The following SHOC2 variants were observed in gnomAD, a reference collection of about 807,000 sequenced individuals.
SHOC2 encodes the protein leucine-rich repeat protein SHOC-2.
Under a neutral mutation model 50.2 loss-of-function variants are expected in SHOC2, and 4 were observed. That is an observed-to-expected ratio of 0.08 (90% CI 0.04 to 0.18). The LOEUF (loss-of-function observed/expected upper bound fraction) is 0.18, where lower values mean the gene tolerates loss of function less well. SHOC2 is among the 10% of genes least tolerant of loss of function. The pLI is 1.00. For missense variants in SHOC2, 388 were observed against 669.6 expected, an observed-to-expected ratio of 0.58 and a Z score of 4.64; for synonymous variants, 218 against 244.5, an observed-to-expected ratio of 0.89 and a Z score of 1.01.
At chr10:110,925,841 G>A (rs1846760792) in intron 1 of SHOC2, among the ~76,000 whole-genome samples, 1 of 152,186 alleles carries the variant, frequency 6.6e-6, no homozygotes, top group African/African-American at 2.4e-5. Flanking sequence ...TCCCTGCAGA[G>A]TGCCATAGTT....
At chr10:110,928,208 T>C (rs946021842) in intron 1 of SHOC2, among the ~76,000 whole-genome samples, 4 of 152,010 alleles carry the variant, frequency 2.6e-5, no homozygotes, top group African/African-American at 9.7e-5. Flanking sequence ...TCCCAGCTAC[T>C]TGGGAGGCTG....
chr10:110,997,522 A>G (rs1377254031), intron 3 of SHOC2, among the ~76,000 whole-genome samples: 1 of 144,972 alleles, frequency 6.9e-6, no homozygotes, highest in African/African-American at 2.6e-5. Context: ...GCACAATTTT[A>G]TCATGCTTTT....
chr10:110,994,798 A>G (rs1287886275), intron 3 of SHOC2, among the ~76,000 whole-genome samples: 2 of 152,228 alleles, frequency 1.3e-5, no homozygotes, highest in African/African-American at 2.4e-5. Flanking sequence ...ATACATTTAT[A>G]TATTTTATAA....
At chr10:110,937,261 T>G (rs1366976566) in intron 1 of SHOC2, 5 of 571,912 alleles carry the variant, frequency 8.7e-6, no homozygotes, top group Non-Finnish European at 1.5e-5. Flanking sequence ...GAAAGCTGCT[T>G]TTTTTTTTTT....
rs1452595204 is a variant in SHOC2, at chr10:110,964,988, C to T, written c.630C>T (p.Asp210=). The change falls in exon 2 of 9, where the codon GAC becomes GAT. Residue 210 remains aspartate, a synonymous_variant. Coordinates refer to ENST00000369452, the MANE Select transcript of SHOC2 (RefSeq NM_007373.4). This position sits in a 1 kb window ranked among gnomAD's most constrained non-coding sequence, Gnocchi z 4.9. ...ATCGTATAACTACTGTGGAAAAGGA[C>T]ATCAAAAACTTGTCAAAACTCAGCA... ...RFNRITTVEK[D]IKNLSKLSML... 6.2e-7 allele frequency: 1 copy of T among 1,613,596 alleles called. No individual in the cohort carries two copies.
At chr10:110,998,036 C>T (rs10787295) in intron 3 of SHOC2, among the ~76,000 whole-genome samples, 150,415 of 150,460 alleles carry the variant, frequency 1, 75,185 homozygotes, top group Middle Eastern at 1. Context: ...CCTTGCTGTG[C>T]CACCCAGGCT....
chr10:111,007,162 A>G (rs765422238), intron 5 of SHOC2, among the ~76,000 whole-genome samples: 19 of 152,072 alleles, frequency 1.2e-4, no homozygotes, highest in Non-Finnish European at 1.9e-4. Context: ...TATTGTTTTC[A>G]TATCTTTATT....
At chr10:110,968,024 C>G (rs1477578438) in intron 2 of SHOC2, among the ~76,000 whole-genome samples, 1 of 152,056 alleles carries the variant, frequency 6.6e-6, no homozygotes, top group African/African-American at 2.4e-5. Flanking sequence ...TATGTTTAAC[C>G]TTTTTGAGGG....
At chr10:110,998,610 A>G (rs1000866828) in intron 3 of SHOC2, among the ~76,000 whole-genome samples, 16 of 152,248 alleles carry the variant, frequency 1.1e-4, no homozygotes, top group African/African-American at 3.1e-4. Flanking sequence ...GTTTCCAAAC[A>G]CTATTGTACA....
intron 1 of SHOC2, among the ~76,000 whole-genome samples, chr10:110,947,814 T>C (rs149452299): frequency 7.0e-6 from 1 of 142,470 alleles, no homozygotes; most frequent in Non-Finnish European, 1.5e-5. Context: ...TAAGAGAAGA[T>C]GAAAGAAATA....
chr10:110,935,639 C>CT (rs1229753703), intron 1 of SHOC2, among the ~76,000 whole-genome samples: 3 of 151,642 alleles, frequency 2.0e-5, no homozygotes, highest in African/African-American at 7.3e-5. Context: ...TAATATGAGA[C>CT]TTTTTTTTCA....
rs1162498860 is a variant in SHOC2, at chr10:110,964,055, G to T, written c.-234-70G>T. On this transcript the variant is annotated intron_variant, in intron 1 of 8. Transcript: ENST00000369452. The surrounding 1 kb of genome is among the most constrained non-coding windows in gnomAD (Gnocchi z 4.9). ...ATAGGAAAATGGCAAACTCTAATAA[G>T]ATTGTTTTTCAGAGCCTATTTAATA... is the stretch of plus-strand genomic sequence containing the variant. 1.4e-5 allele frequency: 6 copies of T among 435,556 alleles called. No individual in the cohort carries two copies. The highest frequency in any genetic ancestry group is 2.0e-5 in the Non-Finnish European group (5 of 249,796). 27.0% of individuals were successfully genotyped at this position (435,556 alleles called of 1,614,324 possible). A position where few individuals can be genotyped will look rare whatever the true frequency, so the allele number is the denominator to read the frequency against.
intron 3 of SHOC2, among the ~76,000 whole-genome samples, chr10:110,998,063 A>G (rs751297260): frequency 2.0e-5 from 3 of 151,248 alleles, no homozygotes; most frequent in Non-Finnish European, 2.9e-5. Flanking sequence ...CAATGGCACA[A>G]TCTGAGCTCA....
At chr10:110,928,750 CAG>C (rs1389807774) in intron 1 of SHOC2, among the ~76,000 whole-genome samples, 1 of 152,000 alleles carries the variant, frequency 6.6e-6, no homozygotes, top group Non-Finnish European at 1.5e-5. Flanking sequence ...CAAAAATTAA[CAG>C]GGTGTGGTGG....
intron 2 of SHOC2, among the ~76,000 whole-genome samples, chr10:110,982,574 T>A (rs867212504): frequency 6.8e-4 from 104 of 151,950 alleles, no homozygotes; most frequent in South Asian, 5.8e-3. Flanking sequence ...GGTATCTCAT[T>A]GTGGTTTTGA....
chr10:110,950,207 A>G (rs1418913224), intron 1 of SHOC2, among the ~76,000 whole-genome samples: 1 of 152,214 alleles, frequency 6.6e-6, no homozygotes, highest in African/African-American at 2.4e-5. Flanking sequence ...GTTGCAAAAT[A>G]TAAAATTAGC....
chr10:111,001,913 C>A (rs990387038), intron 4 of SHOC2, among the ~76,000 whole-genome samples: 1 of 152,078 alleles, frequency 6.6e-6, no homozygotes, highest in African/African-American at 2.4e-5. Flanking sequence ...GTGGTGGGCA[C>A]CTGTAATCCC....
chr10:110,967,249 T>G (rs756563516), intron 2 of SHOC2, among the ~76,000 whole-genome samples: 4 of 152,206 alleles, frequency 2.6e-5, no homozygotes, highest in Non-Finnish European at 5.9e-5. Context: ...AAGATCATGC[T>G]TCTAGGTTGG....
At chr10:110,960,235 T>A (rs1343560397) in intron 1 of SHOC2, among the ~76,000 whole-genome samples, 1 of 152,236 alleles carries the variant, frequency 6.6e-6, no homozygotes, top group Non-Finnish European at 1.5e-5. Flanking sequence ...ATTTGCATAT[T>A]GTCTACTTTT....
Sources: allele counts gnomAD v4.1 joint callset (sites outside exome capture counted in the v4.1 genomes callset), GRCh38; gene constraint gnomAD v4.1.1; non-coding constraint Gnocchi (gnomAD v3.1); transcripts MANE v1.5; gene names NCBI Gene and HGNC (gene_info 2026-07-23, HGNC 2026-07-21).